VLDLR: variants seen among roughly 807,000 people sequenced by gnomAD.
VLDLR encodes the protein very low density lipoprotein receptor.
VLDLR carries 81 observed loss-of-function variants against 112.7 expected under a neutral mutation model. The observed-to-expected ratio is 0.72, with a 90% confidence interval of 0.60 to 0.86. The LOEUF (loss-of-function observed/expected upper bound fraction) is 0.86, where lower values mean the gene tolerates loss of function less well. Among genes scored for constraint, VLDLR ranks in the 40% least tolerant of loss-of-function variants. VLDLR has a pLI of 0.00. For missense variants in VLDLR, 1,237 were observed against 1,099.4 expected (o/e 1.13, Z -1.77); for synonymous variants, 436 against 384.8 (o/e 1.13, Z -1.56).
chr9:2,637,839 A>G (rs964847742), intron 2 of VLDLR, among the ~76,000 whole-genome samples: 3 of 152,194 alleles, frequency 2.0e-5, no homozygotes, highest in African/African-American at 7.2e-5. Flanking sequence ...GCTACTCGGG[A>G]GGCTGAGGCA....
intron 2 of VLDLR, among the ~76,000 whole-genome samples, chr9:2,637,161 T>C (rs1269393135): frequency 6.6e-6 from 1 of 152,322 alleles, no homozygotes; most frequent in African/African-American, 2.4e-5. Context: ...AATATTACAA[T>C]CAGGGAAGGT....
intron 1 of VLDLR, among the ~76,000 whole-genome samples, chr9:2,634,643 G>C (rs1028430949): frequency 6.6e-6 from 1 of 152,154 alleles, no homozygotes; most frequent in Non-Finnish European, 1.5e-5. Context: ...CAGAGAAATC[G>C]AAACTACATC....
chr9:2,649,402 G>T (rs34625249), intron 14 of VLDLR, among the ~76,000 whole-genome samples: 22,047 of 151,856 alleles, frequency 0.15, 1,922 homozygotes, highest in Non-Finnish European at 0.19. Flanking sequence ...TTCTTTTTCT[G>T]TTTTTTGGAG....
intron 10 of VLDLR, 45 bp downstream of exon 10, chr9:2,645,790 C>T: frequency 1.2e-6 from 2 of 1,611,466 alleles, no homozygotes; most frequent in Non-Finnish European, 1.7e-6. Flanking sequence ...AAGTCATTGT[C>T]ACTTGGGAAG....
In VLDLR at chr9:2,643,246, TGCAGCGATG is replaced by T. The variant is rs1449233661; in HGVS notation, c.540_548del (p.Gly182_Asp184del). 1 of 1,614,030 alleles carries T rather than the reference TGCAGCGATG, an allele frequency of 6.2e-7. No individual in the cohort carries two copies. The highest frequency in any genetic ancestry group is 1.3e-5 in the African/African-American group (1 of 74,934). ...CTTTGTATGCAATGGCCAGGATGAC[TGCAGCGATG>T]GCAGTGATGAGCTGGACTGTGCCCC... On this transcript the variant is annotated inframe_deletion, in exon 5 of 19. Coordinates refer to ENST00000382100, the MANE Select transcript of VLDLR (RefSeq NM_003383.5).
Position 2,643,496 on chromosome 9 carries a change from C to A in VLDLR, c.785C>A (p.Pro262His), listed in dbSNP as rs34761707. Residue 262 changes from proline to histidine, a missense_variant, in exon 5 of 19, where the codon CCT becomes CAT. Physicochemically the swap from Pro to His is moderately conservative, Grantham distance 77. Transcript: ENST00000382100. ...IHKKWRCDGD[P>H]DCKDGSDEVN... ...AAGAAGTGGCGATGTGATGGGGACC[C>A]TGACTGCAAGGATGGCAGTGATGAG... 6.2e-7 allele frequency: 1 copy of A among 1,614,102 alleles called. No individual in the cohort carries two copies. The highest frequency in any genetic ancestry group is 8.5e-7 in the Non-Finnish European group (1 of 1,180,014).
chr9:2,637,038 A>G, intron 2 of VLDLR, among the ~76,000 whole-genome samples: 1 of 152,140 alleles, frequency 6.6e-6, no homozygotes, highest in East Asian at 1.9e-4. Flanking sequence ...AGTTTGGCAA[A>G]GAAAAAGAGG....
At position 2,638,265 on chromosome 9, in the gene VLDLR, T is replaced by C. The variant is rs34231698; in HGVS notation, c.203-1594T>C. Among the ~76,000 whole-genome samples the C allele has an allele frequency of 3.9e-3, 589 of 152,320 alleles. 1 individual carries two copies. The highest frequency in any genetic ancestry group is 0.012 in the African/African-American group (481 of 41,570). ...ATCCTTTATAGATCATCATAATTTGTCAACCCATCTTGAGTTCTAGAAATT... is the reference window on the plus strand; with the variant it reads ...ATCCTTTATAGATCATCATAATTTGCCAACCCATCTTGAGTTCTAGAAATT... On this transcript the variant is annotated intron_variant, in intron 2 of 18. Coordinates refer to ENST00000382100, the MANE Select transcript of VLDLR (RefSeq NM_003383.5).
chr9:2,625,976 C>A (rs1351060917), intron 1 of VLDLR, among the ~76,000 whole-genome samples: 1 of 152,162 alleles, frequency 6.6e-6, no homozygotes, highest in Admixed American at 6.5e-5. Flanking sequence ...CTGCATTTTT[C>A]AAACTAAATC....
At chr9:2,627,173 T>G (rs1817133747) in intron 1 of VLDLR, among the ~76,000 whole-genome samples, 2 of 152,220 alleles carry the variant, frequency 1.3e-5, no homozygotes, top group Admixed American at 1.3e-4. Context: ...ATCCAGTGTT[T>G]AAGACTTAAT....
chr9:2,631,621 A>G (rs1203426427), intron 1 of VLDLR, among the ~76,000 whole-genome samples: 1 of 152,124 alleles, frequency 6.6e-6, no homozygotes, highest in African/African-American at 2.4e-5. Context: ...ATTTCATTCC[A>G]TGGAGGTAGA....
At chr9:2,641,069 C>G (rs1266960700) in intron 3 of VLDLR, among the ~76,000 whole-genome samples, 2 of 152,112 alleles carry the variant, frequency 1.3e-5, no homozygotes, top group Non-Finnish European at 2.9e-5. Flanking sequence ...AAATAGTGGT[C>G]TAGGAGCAGG....
intron 1 of VLDLR, among the ~76,000 whole-genome samples, chr9:2,622,531 C>G (rs1256728316): frequency 1.3e-5 from 2 of 152,222 alleles, no homozygotes; most frequent in Admixed American, 1.3e-4. Context: ...CTCCGCCTCC[C>G]CCAGAGCCGC....
At chr9:2,636,647 C>T (rs1490132281) in intron 2 of VLDLR, among the ~76,000 whole-genome samples, 2 of 152,192 alleles carry the variant, frequency 1.3e-5, no homozygotes, top group African/African-American at 4.8e-5. Flanking sequence ...TACATCCAGT[C>T]TCAGGACCAA....
intron 1 of VLDLR, among the ~76,000 whole-genome samples, chr9:2,626,342 T>C (rs1488979393): frequency 6.6e-6 from 1 of 152,248 alleles, no homozygotes; most frequent in Non-Finnish European, 1.5e-5. Flanking sequence ...GACTGCAACT[T>C]GTCACGTGAT....
At chr9:2,640,804 T>C (rs1817791208) in intron 3 of VLDLR, among the ~76,000 whole-genome samples, 1 of 152,200 alleles carries the variant, frequency 6.6e-6, no homozygotes, top group Admixed American at 6.5e-5. Context: ...TCAAGGCAAG[T>C]GAGTTCAAGG....
Position 2,623,776 on chromosome 9 carries a change from C to T in VLDLR, c.82+1505C>T, listed in dbSNP as rs528951085. On this transcript the variant is annotated intron_variant, in intron 1 of 18. Transcript: ENST00000382100. ...TACGGGCTGTTCTCTCAAATGCCTT[C>T]CCCTGCCTGGACTCTTTGAAGAGGA... is the stretch of plus-strand genomic sequence containing the variant. Among the ~76,000 whole-genome samples, 4 of 152,292 alleles carry T rather than the reference C, an allele frequency of 2.6e-5. No individual in the cohort carries two copies. In the East Asian group the frequency reaches 7.8e-4, roughly 30 times the overall value.
At chr9:2,638,624 C>CA (rs1817699528) in intron 2 of VLDLR, among the ~76,000 whole-genome samples, 1 of 152,110 alleles carries the variant, frequency 6.6e-6, no homozygotes, top group Non-Finnish European at 1.5e-5. Context: ...GTAGGATAAT[C>CA]AAGCTGCCCG....
intron 14 of VLDLR, 49 bp from the exon 15 acceptor site, chr9:2,650,321 T>G (rs959709634): frequency 1.2e-6 from 2 of 1,611,408 alleles, no homozygotes; most frequent in African/African-American, 2.7e-5. Flanking sequence ...GCTTTATATA[T>G]ACTAGGCACC....
Sources: allele counts gnomAD v4.1 joint callset (sites outside exome capture counted in the v4.1 genomes callset), GRCh38; gene constraint gnomAD v4.1.1; transcripts MANE v1.5; gene names NCBI Gene and HGNC (gene_info 2026-07-23, HGNC 2026-07-21).